The following ZBTB7C variants were observed in gnomAD, a reference collection of about 807,000 sequenced individuals.
The protein encoded by ZBTB7C is zinc finger and BTB domain containing 7C.
ZBTB7C carries 8 observed loss-of-function variants against 25.7 expected under a neutral mutation model. The ratio of observed to expected loss-of-function variants is 0.31; its 90% CI spans 0.18 to 0.56. ZBTB7C has a LOEUF of 0.56. Ranked by LOEUF, ZBTB7C falls within the 20% of genes least tolerant of loss-of-function variation. ZBTB7C has a pLI of 0.91. For synonymous variants in ZBTB7C, 394 were observed against 369.0 expected, an observed-to-expected ratio of 1.07 and a Z score of -0.78; for missense variants, 824 against 855.2, an observed-to-expected ratio of 0.96 and a Z score of 0.46.
At chr18:48,288,210 A>T (rs181697178) in intron 2 of ZBTB7C, among the ~76,000 whole-genome samples, 11 of 152,376 alleles carry the variant, frequency 7.2e-5, no homozygotes, top group Non-Finnish European at 1.6e-4. Context: ...TTATAATATT[A>T]CAGTGGACTG....
chr18:48,283,571 T>C (rs1764388888), intron 2 of ZBTB7C, among the ~76,000 whole-genome samples: 4 of 152,184 alleles, frequency 2.6e-5, no homozygotes, highest in Admixed American at 2.6e-4. Flanking sequence ...AACCATAATT[T>C]AGACAGACAT....
intron 3 of ZBTB7C, among the ~76,000 whole-genome samples, chr18:48,042,293 C>G (rs1195275003): frequency 6.6e-6 from 1 of 151,294 alleles, no homozygotes; most frequent in Non-Finnish European, 1.5e-5. Flanking sequence ...AACAACAAAT[C>G]AGAACAACAA....
intron 2 of ZBTB7C, among the ~76,000 whole-genome samples, chr18:48,228,745 T>TCACACACACACACA (rs1375739209): frequency 7.3e-5 from 10 of 136,736 alleles, no homozygotes; most frequent in African/African-American, 2.3e-4. Flanking sequence ...TCTCTCTCTC[T>TCACACACACACACA]CTCACACACA....
intron 2 of ZBTB7C, among the ~76,000 whole-genome samples, chr18:48,322,608 T>C (rs924524454): frequency 7.2e-5 from 11 of 152,192 alleles, no homozygotes; most frequent in African/African-American, 2.7e-4. Flanking sequence ...GAATGTAAAC[T>C]AGCGCAACCA....
At chr18:48,090,423 C>T (rs1425473869) in intron 3 of ZBTB7C, among the ~76,000 whole-genome samples, 1 of 152,234 alleles carries the variant, frequency 6.6e-6, no homozygotes, top group African/African-American at 2.4e-5. Flanking sequence ...CAGATGCGAT[C>T]CTGCACTTTC....
chr18:48,398,695 G>A (rs2048086678), intron 1 of ZBTB7C, among the ~76,000 whole-genome samples: 1 of 151,664 alleles, frequency 6.6e-6, no homozygotes, highest in African/African-American at 2.4e-5. Context: ...CCCACAACGT[G>A]AGCACCATCC....
chr18:48,360,661 G>C (rs1051678968), intron 1 of ZBTB7C, among the ~76,000 whole-genome samples: 1 of 152,136 alleles, frequency 6.6e-6, no homozygotes, highest in African/African-American at 2.4e-5. Flanking sequence ...CGGGCACTGA[G>C]GGGAGCCTGC....
chr18:48,339,837 G>C (rs1398183734), intron 1 of ZBTB7C, among the ~76,000 whole-genome samples: 1 of 152,160 alleles, frequency 6.6e-6, no homozygotes, highest in East Asian at 1.9e-4. Context: ...GAGGCTCCTA[G>C]TTAACAGGAG....
chr18:48,239,928 T>C (rs753607727), intron 2 of ZBTB7C, among the ~76,000 whole-genome samples: 4 of 151,952 alleles, frequency 2.6e-5, no homozygotes, highest in Non-Finnish European at 5.9e-5. Context: ...AAGGAGGAAC[T>C]AGAGAAAGGT....
At chr18:48,246,075 G>A (rs2043683152) in intron 2 of ZBTB7C, among the ~76,000 whole-genome samples, 2 of 152,150 alleles carry the variant, frequency 1.3e-5, no homozygotes, top group South Asian at 4.1e-4. Context: ...ATGGTATAAA[G>A]AGGGAATATG....
chr18:48,249,837 A>G (rs890447508), intron 2 of ZBTB7C, among the ~76,000 whole-genome samples: 8 of 152,120 alleles, frequency 5.3e-5, no homozygotes, highest in Non-Finnish European at 1.2e-4. Context: ...TCTGCTGTGG[A>G]GTTTAAAGGC....
intron 1 of ZBTB7C, among the ~76,000 whole-genome samples, chr18:48,367,710 T>C (rs973781537): frequency 2.0e-5 from 3 of 151,906 alleles, no homozygotes; most frequent in South Asian, 2.1e-4. Context: ...GAGCCTAGAC[T>C]TCCACTCCAA....
At chr18:48,355,257 A>G (rs2046951270) in intron 1 of ZBTB7C, among the ~76,000 whole-genome samples, 1 of 152,200 alleles carries the variant, frequency 6.6e-6, no homozygotes, top group South Asian at 2.1e-4. Flanking sequence ...AAATCCAGTG[A>G]GGCTGGAGGG....
chr18:48,405,289 G>T (rs1402640756), intron 1 of ZBTB7C, among the ~76,000 whole-genome samples: 2 of 151,966 alleles, frequency 1.3e-5, no homozygotes, highest in Non-Finnish European at 2.9e-5. Context: ...AGAGTCAGGG[G>T]AGGAGGCAAA....
At chr18:48,190,545 CAG>C (rs1463289223) in intron 2 of ZBTB7C, among the ~76,000 whole-genome samples, 2 of 152,148 alleles carry the variant, frequency 1.3e-5, no homozygotes, top group African/African-American at 2.4e-5. Flanking sequence ...CCCATGAACT[CAG>C]GGGCCCTTTG....
At chr18:48,232,001 C>A (rs2043268089) in intron 2 of ZBTB7C, among the ~76,000 whole-genome samples, 1 of 152,222 alleles carries the variant, frequency 6.6e-6, no homozygotes, top group Admixed American at 6.5e-5. Flanking sequence ...ACCCCATGCT[C>A]ATTTGCTCAC....
intron 3 of ZBTB7C, among the ~76,000 whole-genome samples, chr18:48,146,460 T>C (rs2040500248): frequency 6.6e-6 from 1 of 152,198 alleles, no homozygotes; most frequent in Non-Finnish European, 1.5e-5. Flanking sequence ...TTTGGGTATG[T>C]TAATAAACTT....
At chr18:48,095,643 T>C (rs1284939797) in intron 3 of ZBTB7C, among the ~76,000 whole-genome samples, 2 of 151,626 alleles carry the variant, frequency 1.3e-5, no homozygotes, top group Non-Finnish European at 2.9e-5. Flanking sequence ...ACCTGGGAGG[T>C]AGAGATTGCA....
rs547719630 is a variant in ZBTB7C at position 48,212,430 on chromosome 18, A to T, written c.-78-26435T>A. Among the ~76,000 whole-genome samples the T allele has an allele frequency of 1.1e-4, 16 of 152,208 alleles. No individual in the cohort carries two copies. In the East Asian group the frequency reaches 2.7e-3, roughly 26 times the overall value. The stretch of plus-strand genomic sequence containing the variant: ...CACATGTCATTATACATGTGTCCAA[A>T]CCTATAGAATATACCACACTAAGAG... On this transcript the variant is annotated intron_variant, in intron 2 of 4. Transcript: ENST00000590800.
Sources: allele counts gnomAD v4.1 joint callset (sites outside exome capture counted in the v4.1 genomes callset), GRCh38; gene constraint gnomAD v4.1.1; transcripts MANE v1.5; gene names NCBI Gene and HGNC (gene_info 2026-07-23, HGNC 2026-07-21).